HSPA4: variants seen among roughly 807,000 people sequenced by gnomAD.
The protein encoded by HSPA4 is heat shock protein family A (Hsp70) member 4, also known as heat shock 70 kDa protein 4.
HSPA4 carries 25 observed loss-of-function variants against 106.2 expected under a neutral mutation model. That is an observed-to-expected ratio of 0.24 (90% CI 0.17 to 0.33). The LOEUF (loss-of-function observed/expected upper bound fraction) is 0.33. Ranked by LOEUF, HSPA4 falls within the 10% of genes least tolerant of loss-of-function variation. The pLI is 1.00. For missense variants in HSPA4, 841 were observed against 996.0 expected (o/e 0.84, Z 2.10); for synonymous variants, 332 against 333.6 (o/e 1.00, Z 0.05).
At position 133,080,417 on chromosome 5, in the gene HSPA4, CAAA is replaced by C. The variant is rs33998797; in HGVS notation, c.908+3541_908+3543del. Among the ~76,000 whole-genome samples the C allele has an allele frequency of 1.8e-3, 125 of 68,120 alleles. No homozygotes were observed. In the South Asian group the frequency reaches 0.021, roughly 12 times the overall value. 44.7% of individuals were successfully genotyped at this position (68,120 alleles called of 152,430 possible). A position where few individuals can be genotyped will look rare whatever the true frequency, so the allele number is the denominator to read the frequency against. ...GGGTGATGAGAGTGAGACCCTGTCT[CAAA>C]AAAAAAAAAAAAAAAAAAAAACCCA... is the stretch of plus-strand genomic sequence containing the variant. On this transcript the variant is annotated intron_variant, in intron 7 of 18. Coordinates refer to ENST00000304858, the MANE Select transcript of HSPA4 (RefSeq NM_002154.4).
chr5:133,092,738 G>A lies in HSPA4; in HGVS notation c.1599G>A (p.Glu533=). The change falls in exon 13 of 19, where the codon GAG becomes GAA. Residue 533 remains glutamate (E), a synonymous_variant. Coordinates refer to ENST00000304858, the MANE Select transcript of HSPA4 (RefSeq NM_002154.4). ...ACCAGGAGGAACCACATGTTGAAGA[G>A]CAACAGCAGCAGACACCAGCAGAAA... ...QVDQEEPHVE[E]QQQQTPAENK... 6.2e-7 allele frequency: 1 copy of A among 1,601,774 alleles called. No individual in the cohort carries two copies. Among genetic ancestry groups the A allele is most frequent in the South Asian group, 1.1e-5 (1 of 90,842 alleles).
Position 133,103,953 on chromosome 5 carries a change from T to G in HSPA4, c.2246T>G (p.Leu749Arg). Residue 749 changes from leucine (L) to arginine (R), a missense_variant, in exon 18 of 19, where the codon CTA becomes CGA. This residue lies in a region of HSPA4 where 328 missense variants were observed against 372.2 expected (regional missense o/e 0.88). Coordinates refer to ENST00000304858, the MANE Select transcript of HSPA4 (RefSeq NM_002154.4). ...GCAATGGAGTGGATGAATAACAAGC[T>G]AAATCTGCAGAACAAGCAGAGTTTG... is the stretch of plus-strand genomic sequence containing the variant. ...NEAMEWMNNK[L>R]NLQNKQSLTM... is the part of the protein sequence containing the mutation. The G allele has an allele frequency of 6.2e-7, 1 of 1,613,972 alleles. No individual in the cohort carries two copies. Among genetic ancestry groups the G allele is most frequent in the South Asian group, 1.1e-5 (1 of 91,074 alleles).
intron 3 of HSPA4, among the ~76,000 whole-genome samples, chr5:133,069,977 GCAA>G: frequency 6.6e-6 from 1 of 152,096 alleles, no homozygotes; most frequent in Non-Finnish European, 1.5e-5. Context: ...ACCAGCATCG[GCAA>G]CAAAGCAAGA....
intron 15 of HSPA4, among the ~76,000 whole-genome samples, chr5:133,097,867 G>A (rs990401701): frequency 6.7e-5 from 10 of 150,224 alleles, no homozygotes; most frequent in African/African-American, 1.2e-4. Flanking sequence ...TCTTTAAATT[G>A]TTAAAGCTCA....
chr5:133,058,611 G>A (rs1765197406), intron 1 of HSPA4, among the ~76,000 whole-genome samples: 1 of 152,016 alleles, frequency 6.6e-6, no homozygotes, highest in African/African-American at 2.4e-5. Context: ...TCGGGAGGTG[G>A]AGGTTGCAGT....
chr5:133,069,537 C>A (rs1446166806), intron 3 of HSPA4, among the ~76,000 whole-genome samples: 2 of 152,166 alleles, frequency 1.3e-5, no homozygotes, highest in Non-Finnish European at 2.9e-5. Context: ...AGGTGTGAGC[C>A]ACTGCACCTA....
At chr5:133,061,659 G>C (rs55747751) in intron 1 of HSPA4, among the ~76,000 whole-genome samples, 1 of 151,338 alleles carries the variant, frequency 6.6e-6, no homozygotes, top group South Asian at 2.1e-4. Flanking sequence ...TTGCTCTCTT[G>C]CCCAGGCTGG....
intron 1 of HSPA4, among the ~76,000 whole-genome samples, chr5:133,064,366 C>T (rs568302897): frequency 1.3e-5 from 2 of 152,140 alleles, no homozygotes; most frequent in Admixed American, 6.5e-5. Flanking sequence ...ATTAGCTGGG[C>T]GTGATGGTGC....
chr5:133,086,468 T>C (rs532894650), intron 7 of HSPA4, among the ~76,000 whole-genome samples: 2 of 152,382 alleles, frequency 1.3e-5, no homozygotes, highest in South Asian at 4.1e-4. Context: ...TCTGGGTTGT[T>C]TCAGCTGCTT....
chr5:133,093,920 C>T (rs1016338560), intron 13 of HSPA4, among the ~76,000 whole-genome samples: 7 of 152,050 alleles, frequency 4.6e-5, no homozygotes, highest in Non-Finnish European at 1.0e-4. Flanking sequence ...TGGTGAAACC[C>T]CGTCTCTACT....
intron 7 of HSPA4, among the ~76,000 whole-genome samples, chr5:133,080,430 A>C (rs893925639): frequency 3.3e-5 from 5 of 151,366 alleles, no homozygotes; most frequent in Admixed American, 6.6e-5. Flanking sequence ...AAAAAAAAAA[A>C]AAAAAAAAAA....
At chr5:133,053,321 C>T (rs1296570866) in intron 1 of HSPA4, among the ~76,000 whole-genome samples, 3 of 132,382 alleles carry the variant, frequency 2.3e-5, no homozygotes, top group Admixed American at 7.4e-5. Context: ...CATTCAGGGT[C>T]TCTCTTCTTT....
At chr5:133,087,674 A>T (rs910899694) in intron 8 of HSPA4, among the ~76,000 whole-genome samples, 28 of 152,058 alleles carry the variant, frequency 1.8e-4, no homozygotes, top group African/African-American at 6.0e-4. Flanking sequence ...CCCAGGCTGG[A>T]GTGCAGTGGT....
At position 133,097,104 on chromosome 5, in the gene HSPA4, A is replaced by G. The variant is rs574692030; in HGVS notation, c.1804-57A>G. The G allele has an allele frequency of 7.3e-5, 102 of 1,393,324 alleles. 1 individual carries two copies. In the South Asian group the frequency reaches 1.2e-3, roughly 16 times the overall value. The allele number at this position is 1,393,324 out of a possible 1,614,324, so 86.3% of individuals were successfully genotyped here. ...TCTCTACTTTTATAATTATATTGGT[A>G]TTTAAGAGGAAATTAGTTGTCCTAA... On this transcript the variant is annotated intron_variant, in intron 14 of 18. Transcript: ENST00000304858.
At position 133,089,653 on chromosome 5, in the gene HSPA4, T is replaced by A; in HGVS notation, c.1336T>A (p.Tyr446Asn). The part of the protein sequence containing the change: ...RKEPFTLEAY[Y>N]SSPQDLPYPD... ...GGAACCTTTCACTCTTGAGGCCTAC[T>A]ACAGCTCTCCTCAGGATTTGCCCTA... The change falls in exon 11 of 19, where the codon TAC becomes AAC. Residue 446 changes from tyrosine to asparagine, a missense_variant. Coordinates refer to ENST00000304858, the MANE Select transcript of HSPA4 (RefSeq NM_002154.4). 1 of 1,611,298 alleles carries A rather than the reference T, an allele frequency of 6.2e-7. No homozygotes were observed. Among genetic ancestry groups the A allele is most frequent in the Non-Finnish European group, 8.5e-7 (1 of 1,178,406 alleles).
In HSPA4 at chr5:133,070,497, G is replaced by A. The variant is rs1346570083; in HGVS notation, c.429+1G>A. ...GCCTGTAGTTGACTGTGTTGTTTCG[G>A]TGAGTTTGATCCCTATACATTATTG... On this transcript the variant is annotated splice_donor_variant, in intron 4 of 18. Transcript: ENST00000304858. LOFTEE classifies it high-confidence loss of function. 1 of 1,613,518 alleles carries A rather than the reference G, an allele frequency of 6.2e-7. No homozygotes were observed. The highest frequency in any genetic ancestry group is 8.5e-7 in the Non-Finnish European group (1 of 1,179,724).
Position 133,091,365 on chromosome 5 carries a change from G to A in HSPA4, c.1551G>A (p.Lys517=), listed in dbSNP as rs1765645661. The A allele has an allele frequency of 6.2e-7, 1 of 1,612,702 alleles. No homozygotes were observed. The highest frequency in any genetic ancestry group is 1.3e-5 in the African/African-American group (1 of 75,012). ...EEPMETDQNA[K]EEEKMQVDQE... ...CAATGGAAACAGATCAGAATGCAAA[G>A]GAGGAAGAGGTAATCTAGACATTGT... Residue 517 remains lysine (K), a synonymous_variant, in exon 12 of 19, where the codon AAG becomes AAA. Transcript: ENST00000304858.
At chr5:133,057,552 A>G (rs955759190) in intron 1 of HSPA4, among the ~76,000 whole-genome samples, 1 of 152,044 alleles carries the variant, frequency 6.6e-6, no homozygotes, top group African/African-American at 2.4e-5. Flanking sequence ...ATGAAACTAT[A>G]CCTTTTAAAG....
At chr5:133,080,080 CT>C (rs962110828) in intron 7 of HSPA4, among the ~76,000 whole-genome samples, 20 of 151,204 alleles carry the variant, frequency 1.3e-4, no homozygotes, top group Admixed American at 1.3e-3. Flanking sequence ...GTCACTTGTT[CT>C]TTTTGCTTAG....
Sources: allele counts gnomAD v4.1 joint callset (sites outside exome capture counted in the v4.1 genomes callset), GRCh38; gene constraint gnomAD v4.1.1; regional missense constraint gnomAD v4.1.1; transcripts MANE v1.5; gene names NCBI Gene and HGNC (gene_info 2026-07-23, HGNC 2026-07-21).